Variants in MARCHF1 observed in about 807,000 individuals in gnomAD.
MARCHF1 encodes membrane associated ring-CH-type finger 1.
In MARCHF1, 40 loss-of-function variants were observed where a neutral mutation model predicts 54.2. That is an observed-to-expected ratio of 0.74 (90% CI 0.57 to 0.96). The LOEUF (loss-of-function observed/expected upper bound fraction) is 0.96, where lower values mean the gene tolerates loss of function less well. MARCHF1 is among the 40% of genes least tolerant of loss of function. MARCHF1 has a pLI of 0.00. For missense variants in MARCHF1, 586 were observed against 656.5 expected (o/e 0.89, Z 1.17); for synonymous variants, 236 against 236.3 (o/e 1.00, Z 0.01).
intron 1 of MARCHF1, among the ~76,000 whole-genome samples, chr4:164,116,347 CT>C (rs1755939454): frequency 6.6e-6 from 1 of 152,092 alleles, no homozygotes; most frequent in Non-Finnish European, 1.5e-5. Context: ...AGTCTGCAAA[CT>C]TTTTTCATAA....
intron 2 of MARCHF1, among the ~76,000 whole-genome samples, chr4:164,024,657 A>G (rs1753730109): frequency 6.6e-6 from 1 of 152,178 alleles, no homozygotes; most frequent in Non-Finnish European, 1.5e-5. Context: ...TACCCCACAG[A>G]CACTATAAAG....
intron 2 of MARCHF1, among the ~76,000 whole-genome samples, chr4:163,989,561 T>C (rs1752935712): frequency 1.3e-5 from 2 of 152,198 alleles, no homozygotes; most frequent in Non-Finnish European, 1.5e-5. Context: ...GACTTTACTA[T>C]TACTGTCCTC....
At chr4:164,089,059 C>T (rs1352687671) in intron 2 of MARCHF1, among the ~76,000 whole-genome samples, 1 of 152,058 alleles carries the variant, frequency 6.6e-6, no homozygotes, top group African/African-American at 2.4e-5. Flanking sequence ...GAGAGCTTTA[C>T]ATTTCTTACA....
intron 3 of MARCHF1, among the ~76,000 whole-genome samples, chr4:163,869,905 A>T (rs1420407844): frequency 6.6e-6 from 1 of 152,116 alleles, no homozygotes. Context: ...CTTATATCTG[A>T]GTCAACATGT....
chr4:163,549,923 T>C (rs1270087822), intron 8 of MARCHF1, among the ~76,000 whole-genome samples: 3 of 152,220 alleles, frequency 2.0e-5, no homozygotes, highest in African/African-American at 7.2e-5. Context: ...TTAAAAGTAC[T>C]GCCCACAGAA....
intron 3 of MARCHF1, among the ~76,000 whole-genome samples, chr4:163,902,254 T>G (rs1750960253): frequency 6.6e-6 from 1 of 152,228 alleles, no homozygotes; most frequent in South Asian, 2.1e-4. Context: ...AGCTGTAATA[T>G]GCCTGAATTA....
At chr4:163,575,262 C>T (rs141111590) in intron 8 of MARCHF1, among the ~76,000 whole-genome samples, 1 of 152,016 alleles carries the variant, frequency 6.6e-6, no homozygotes, top group African/African-American at 2.4e-5. Flanking sequence ...TGCTGGACTT[C>T]ATTGAAAAGC....
chr4:164,321,721 C>A lies in MARCHF1; in HGVS notation c.-323+62149G>T, dbSNP rs890722071. Reference sequence around the variant, plus strand: ...TGCAAAGAGTCTGAGGGTATATTACCCATGTACCCAACTTTTCAAACGATA... The same window carrying A: ...TGCAAAGAGTCTGAGGGTATATTACACATGTACCCAACTTTTCAAACGATA... On this transcript the variant is annotated intron_variant, in intron 1 of 9. Transcript: ENST00000514618. Among the ~76,000 whole-genome samples the A allele has an allele frequency of 3.9e-5, 6 of 152,022 alleles. 1 individual carries two copies. The highest frequency in any genetic ancestry group is 1.4e-4 in the African/African-American group (6 of 41,496).
intron 4 of MARCHF1, among the ~76,000 whole-genome samples, chr4:163,853,144 C>T (rs1424528533): frequency 6.6e-6 from 1 of 152,050 alleles, no homozygotes; most frequent in Admixed American, 6.6e-5. Flanking sequence ...GCAGCCCAAA[C>T]ATACTAAGAT....
intron 8 of MARCHF1, among the ~76,000 whole-genome samples, chr4:163,582,064 T>C (rs1306471032): frequency 6.6e-6 from 1 of 152,174 alleles, no homozygotes; most frequent in Non-Finnish European, 1.5e-5. Flanking sequence ...TATTTAACAG[T>C]TGGTTTCGCC....
At chr4:164,204,213 C>T (rs1039594541) in intron 1 of MARCHF1, among the ~76,000 whole-genome samples, 2 of 152,108 alleles carry the variant, frequency 1.3e-5, no homozygotes, top group African/African-American at 2.4e-5. Flanking sequence ...TCAGATTTAA[C>T]GTCATTTCAT....
intron 2 of MARCHF1, among the ~76,000 whole-genome samples, chr4:163,994,380 G>GT (rs1220693583): frequency 6.6e-6 from 1 of 151,014 alleles, no homozygotes. Flanking sequence ...TTCACTGTCA[G>GT]TATCTCTGGG....
intron 2 of MARCHF1, among the ~76,000 whole-genome samples, chr4:163,998,618 C>A (rs1185660637): frequency 6.6e-6 from 1 of 151,584 alleles, no homozygotes; most frequent in Non-Finnish European, 1.5e-5. Context: ...AATTTTATAT[C>A]CTTTGACCAA....
intron 4 of MARCHF1, among the ~76,000 whole-genome samples, chr4:163,732,981 G>A (rs545231255): frequency 4.9e-4 from 74 of 150,890 alleles, no homozygotes; most frequent in Middle Eastern, 3.4e-3. Flanking sequence ...GTGAAGCCCC[G>A]TCTCTACTAA....
intron 2 of MARCHF1, among the ~76,000 whole-genome samples, chr4:163,992,413 A>G (rs1042287117): frequency 9.2e-5 from 14 of 152,106 alleles, no homozygotes; most frequent in Non-Finnish European, 1.9e-4. Context: ...AATATAGAAT[A>G]ATGAAAGTAA....
chr4:163,873,157 C>T (rs1750214817), intron 3 of MARCHF1, among the ~76,000 whole-genome samples: 2 of 152,136 alleles, frequency 1.3e-5, no homozygotes, highest in African/African-American at 4.8e-5. Flanking sequence ...GGTTTTTCTT[C>T]AGCTAATGAA....
intron 3 of MARCHF1, among the ~76,000 whole-genome samples, chr4:163,977,730 C>T (rs1346524122): frequency 2.0e-5 from 3 of 152,140 alleles, no homozygotes; most frequent in East Asian, 1.9e-4. Flanking sequence ...CAGCATAATG[C>T]TATTTTAAGA....
At chr4:163,757,573 G>A (rs1214169042) in intron 4 of MARCHF1, among the ~76,000 whole-genome samples, 1 of 151,824 alleles carries the variant, frequency 6.6e-6, no homozygotes, top group African/African-American at 2.4e-5. Context: ...TAATTTTTTT[G>A]TTTGTTGCTA....
At chr4:163,973,746 C>T (rs1752597011) in intron 3 of MARCHF1, among the ~76,000 whole-genome samples, 1 of 152,164 alleles carries the variant, frequency 6.6e-6, no homozygotes, top group African/African-American at 2.4e-5. Context: ...TAATGATAAA[C>T]TAGATTTTAT....
Sources: allele counts gnomAD v4.1 joint callset (sites outside exome capture counted in the v4.1 genomes callset), GRCh38; gene constraint gnomAD v4.1.1; transcripts MANE v1.5; gene names NCBI Gene and HGNC (gene_info 2026-07-23, HGNC 2026-07-21).